The following DCP1A variants were observed in gnomAD, a reference collection of about 807,000 sequenced individuals.
The protein encoded by DCP1A is mRNA-decapping enzyme 1A.
A neutral mutation model predicts 58.0 loss-of-function variants in DCP1A; 20 were observed. The observed-to-expected ratio is 0.34, with a 90% CI of 0.24 to 0.50. The LOEUF (loss-of-function observed/expected upper bound fraction) is 0.50. Among genes scored for constraint, DCP1A ranks in the 20% least tolerant of loss-of-function variants. The probability of loss-of-function intolerance (pLI) is 0.98; values close to 1 mark genes in which losing one functional copy is unlikely to be tolerated. For missense variants in DCP1A, 613 were observed against 712.2 expected, an observed-to-expected ratio of 0.86 and a Z score of 1.59; for synonymous variants, 285 against 275.1, an observed-to-expected ratio of 1.04 and a Z score of -0.36.
intron 6 of DCP1A, among the ~76,000 whole-genome samples, chr3:53,298,567 G>T (rs1305839661): frequency 2.0e-5 from 3 of 152,176 alleles, no homozygotes; most frequent in African/African-American, 7.2e-5. Context: ...CTTTATAGAT[G>T]ATGCCCAAAT....
rs1446833409 is a variant in DCP1A at position 53,286,359 on chromosome 3, C to T, written c.*1221G>A. 3 of 152,180 alleles carry T rather than the reference C, an allele frequency of 2.0e-5. No individual in the cohort carries two copies. Among genetic ancestry groups the T allele is most frequent in the African/African-American group, 7.2e-5 (3 of 41,452 alleles). 9.4% of individuals were successfully genotyped at this position (152,180 alleles called of 1,614,324 possible). ...GACCTGTATCATAGAAACGAAGACACTTTCATTCAAAGAATATCTTAAAAT... is the reference window on the plus strand; with the variant it reads ...GACCTGTATCATAGAAACGAAGACATTTTCATTCAAAGAATATCTTAAAAT... On this transcript the variant is annotated 3_prime_UTR_variant, in exon 10 of 10. Coordinates refer to ENST00000610213, the MANE Select transcript of DCP1A (RefSeq NM_018403.7).
intron 6 of DCP1A, among the ~76,000 whole-genome samples, chr3:53,297,874 C>A (rs572456731): frequency 6.6e-6 from 1 of 152,210 alleles, no homozygotes; most frequent in Non-Finnish European, 1.5e-5. Flanking sequence ...ATAATCCAGA[C>A]AGCAATTTTT....
In DCP1A at chr3:53,312,284, T is replaced by C. The variant is rs1479573536; in HGVS notation, c.467A>G (p.Asp156Gly). 6.2e-6 allele frequency: 10 copies of C among 1,612,988 alleles called. No individual in the cohort carries two copies. Among genetic ancestry groups the C allele is most frequent in the Non-Finnish European group, 8.5e-6 (10 of 1,179,572 alleles). Residue 156 changes from aspartate to glycine, a missense_variant, in exon 5 of 10, where the codon GAC (aspartate) becomes GGC (glycine). This residue lies in a region of DCP1A where 498 missense variants were observed against 556.7 expected (regional missense o/e 0.89). Coordinates refer to ENST00000610213, the MANE Select transcript of DCP1A (RefSeq NM_018403.7). ...ANGCSDHRPI[D>G]ILEMLSRAKD... ...GGCTCTGCTCAGCATCTCCAGGATG[T>C]CGATGGGCCTGTGGTCGCTGCAGCC...
intron 6 of DCP1A, among the ~76,000 whole-genome samples, 172 bp downstream of exon 6, chr3:53,304,005 T>C: frequency 6.6e-6 from 1 of 152,244 alleles, no homozygotes; most frequent in East Asian, 1.9e-4. Flanking sequence ...AGCAGGCTAC[T>C]GCAAAATCCA....
Position 53,287,330 on chromosome 3 carries a change from A to G in DCP1A, c.*250T>C, listed in dbSNP as rs1575589170. ...TGAAAACACCCACATAACTTAACAC[A>G]ATGATCGCTCTCTTTTTTTTTTTTT... On this transcript the variant is annotated 3_prime_UTR_variant, in exon 10 of 10. Coordinates refer to ENST00000610213, the MANE Select transcript of DCP1A (RefSeq NM_018403.7). The G allele has an allele frequency of 9.9e-6, 4 of 404,552 alleles. No homozygotes were observed. In the East Asian group the frequency reaches 1.3e-4, roughly 13 times the overall value. The allele number at this position is 404,552 out of a possible 1,614,324, so 25.1% of individuals were successfully genotyped here. A position where few individuals can be genotyped will look rare whatever the true frequency, so the allele number is the denominator to read the frequency against.
intron 3 of DCP1A, among the ~76,000 whole-genome samples, chr3:53,324,702 G>T (rs1575612833): frequency 1.3e-5 from 2 of 152,300 alleles, no homozygotes; most frequent in Middle Eastern, 6.8e-3. Context: ...TCCTAAGTCA[G>T]TCATGTTGCA....
chr3:53,312,342 C>G lies in DCP1A; in HGVS notation c.409G>C (p.Ala137Pro), dbSNP rs374552339. Residue 137 changes from alanine to proline, a missense_variant, in exon 5 of 10, where the codon GCT becomes CCT. Coordinates refer to ENST00000610213, the MANE Select transcript of DCP1A (RefSeq NM_018403.7). The part of the protein sequence containing the change: ...EEETRRSQQA[A>P]RDKQSPSQAN... ...TGGCTGGGACTCTGTTTGTCCCGAG[C>G]AGCTTGCTGGGATCGCCGTGTCTCC... The G allele has an allele frequency of 1.6e-5, 25 of 1,612,448 alleles. No homozygotes were observed. Among genetic ancestry groups the G allele is most frequent in the Non-Finnish European group, 2.1e-5 (25 of 1,179,402 alleles).
At chr3:53,317,319 C>T (rs782568452) in intron 4 of DCP1A, among the ~76,000 whole-genome samples, 18 of 152,198 alleles carry the variant, frequency 1.2e-4, no homozygotes, top group Non-Finnish European at 2.4e-4. Flanking sequence ...GCATGCACCA[C>T]CATACCTGGC....
intron 5 of DCP1A, among the ~76,000 whole-genome samples, chr3:53,311,610 A>G (rs1707646909): frequency 6.6e-6 from 1 of 152,240 alleles, no homozygotes; most frequent in Non-Finnish European, 1.5e-5. Context: ...AAAATTCCAA[A>G]TGAAGCTTAA....
At chr3:53,315,377 A>C (rs1707770490) in intron 4 of DCP1A, among the ~76,000 whole-genome samples, 1 of 151,888 alleles carries the variant, frequency 6.6e-6, no homozygotes, top group African/African-American at 2.4e-5. Context: ...GTCTCTACTA[A>C]AAATACAAAA....
intron 5 of DCP1A, among the ~76,000 whole-genome samples, chr3:53,308,957 C>T (rs2106829387): frequency 6.6e-6 from 1 of 152,234 alleles, no homozygotes; most frequent in South Asian, 2.1e-4. Flanking sequence ...TGCAATTAAA[C>T]TAAAACCAAA....
chr3:53,339,144 G>C (rs945006247), intron 3 of DCP1A, among the ~76,000 whole-genome samples: 2 of 152,090 alleles, frequency 1.3e-5, no homozygotes, highest in Non-Finnish European at 2.9e-5. Context: ...CAACTTAATA[G>C]CTCGCTGACC....
At chr3:53,309,673 G>C (rs1553688443) in intron 5 of DCP1A, among the ~76,000 whole-genome samples, 1 of 152,220 alleles carries the variant, frequency 6.6e-6, no homozygotes. Flanking sequence ...GCTAAGATGG[G>C]AGAATGTCTT....
At chr3:53,302,785 G>A (rs536308449) in intron 6 of DCP1A, among the ~76,000 whole-genome samples, 6 of 151,992 alleles carry the variant, frequency 3.9e-5, no homozygotes, top group South Asian at 4.2e-4. Context: ...TACCACACCC[G>A]GCTAATTTTG....
intron 2 of DCP1A, among the ~76,000 whole-genome samples, chr3:53,343,394 G>A (rs781873918): frequency 6.6e-5 from 10 of 152,098 alleles, no homozygotes; most frequent in East Asian, 1.9e-4. Flanking sequence ...ATTAGAATCA[G>A]TACCATATAA....
intron 4 of DCP1A, among the ~76,000 whole-genome samples, chr3:53,314,389 AAACAAATGTAGCATCATG>A (rs1423092338): frequency 6.6e-6 from 1 of 152,224 alleles, no homozygotes; most frequent in African/African-American, 2.4e-5. Flanking sequence ...ATTACTTCTA[AAACAAATGTAGCATCATG>A]AGCTTCATGG....
chr3:53,336,886 A>C (rs2089126231), intron 3 of DCP1A, among the ~76,000 whole-genome samples: 1 of 144,126 alleles, frequency 6.9e-6, no homozygotes, highest in Admixed American at 7.2e-5. Context: ...TTATTTATTT[A>C]TTGAGATGGA....
intron 3 of DCP1A, among the ~76,000 whole-genome samples, chr3:53,327,896 G>A (rs555410753): frequency 6.6e-6 from 1 of 151,710 alleles, no homozygotes; most frequent in African/African-American, 2.4e-5. Context: ...GCCGAGGCAG[G>A]TGGATCACCT....
intron 6 of DCP1A, among the ~76,000 whole-genome samples, chr3:53,295,442 A>AT (rs1707089592): frequency 2.0e-5 from 3 of 152,058 alleles, no homozygotes. Flanking sequence ...TAAAGATCTT[A>AT]TATGGTTCAA....
Sources: allele counts gnomAD v4.1 joint callset (sites outside exome capture counted in the v4.1 genomes callset), GRCh38; gene constraint gnomAD v4.1.1; regional missense constraint gnomAD v4.1.1; transcripts MANE v1.5; gene names NCBI Gene and HGNC (gene_info 2026-07-23, HGNC 2026-07-21).